Variants in SEMA3D observed in about 807,000 individuals in gnomAD.
The protein encoded by SEMA3D is semaphorin-3D.
A neutral mutation model predicts 100.1 loss-of-function variants in SEMA3D; 84 were observed. The ratio of observed to expected loss-of-function variants is 0.84; its 90% CI spans 0.70 to 1.01. SEMA3D has a LOEUF of 1.01. Among genes scored for constraint, SEMA3D ranks in the 50% least tolerant of loss-of-function variants. The pLI is 0.00. For missense variants in SEMA3D, 875 were observed against 934.1 expected, an observed-to-expected ratio of 0.94 and a Z score of 0.82; for synonymous variants, 312 against 320.7, an observed-to-expected ratio of 0.97 and a Z score of 0.29.
intron 1 of SEMA3D, among the ~76,000 whole-genome samples, chr7:85,162,195 T>G (rs1447617633): frequency 2.6e-5 from 4 of 152,120 alleles, no homozygotes; most frequent in South Asian, 2.1e-4. Flanking sequence ...CAAAGTCAAG[T>G]AGAAAGAAGG....
intron 3 of SEMA3D, among the ~76,000 whole-genome samples, chr7:85,101,236 C>T (rs1299162741): frequency 2.0e-5 from 3 of 152,012 alleles, no homozygotes; most frequent in African/African-American, 7.2e-5. Flanking sequence ...AGACTGAAAT[C>T]AGCAAAATCA....
Position 84,997,736 on chromosome 7 carries a change from T to G in SEMA3D, c.*1704A>C, listed in dbSNP as rs955995895. 2.5e-4 allele frequency: 38 copies of G among 151,092 alleles called. 1 individual carries two copies. The allele number at this position is 151,092 out of a possible 1,614,324, so 9.4% of individuals were successfully genotyped here. A position where few individuals can be genotyped will look rare whatever the true frequency, so the allele number is the denominator to read the frequency against. On this transcript the variant is annotated 3_prime_UTR_variant, in exon 19 of 19. Transcript: ENST00000284136. ...GACTTTTCTTTCAAGATATGTAGAA[T>G]GCATGAGAAACGAGCAATGTCTGTT... is the stretch of plus-strand genomic sequence containing the variant.
chr7:85,017,945 G>A (rs1234125675), intron 15 of SEMA3D, among the ~76,000 whole-genome samples: 1 of 151,704 alleles, frequency 6.6e-6, no homozygotes, highest in Admixed American at 6.6e-5. Flanking sequence ...AATGGTTAGG[G>A]TTGATATTCT....
In SEMA3D at chr7:85,074,041, G is replaced by A. The variant is rs191561306; in HGVS notation, c.376-960C>T. 6.0e-4 allele frequency among the ~76,000 whole-genome samples: 91 copies of A among 152,208 alleles called. 1 individual carries two copies. The East Asian group carries it at 0.012, about 21-fold the overall frequency. ...TATTTTCAACCTATCTCCTGCAAGT[G>A]ATACTCTATCTTTACATAAATGTTA... On this transcript the variant is annotated intron_variant, in intron 5 of 18. Transcript: ENST00000284136.
intron 17 of SEMA3D, 28 bp from the exon 18 acceptor site, chr7:85,006,969 T>G (rs374930177): frequency 5.0e-4 from 795 of 1,594,642 alleles, no homozygotes; most frequent in Non-Finnish European, 6.5e-4. Flanking sequence ...AATAAGAGAT[T>G]AACCTTGACC....
the SEMA3D span, among the ~76,000 whole-genome samples, chr7:85,246,998 T>A: frequency 4.6e-5 from 7 of 151,800 alleles, no homozygotes; most frequent in East Asian, 1.4e-3. Context: ...AAAAATTTGG[T>A]AAAATAATTT....
chr7:85,148,646 G>A (rs1173157136), intron 2 of SEMA3D, among the ~76,000 whole-genome samples: 1 of 152,120 alleles, frequency 6.6e-6, no homozygotes, highest in Non-Finnish European at 1.5e-5. Flanking sequence ...CTCATGAGAA[G>A]ATATAGTTAT....
intron 2 of SEMA3D, chr7:85,141,984 A>C (rs1790062348): frequency 1.0e-6 from 1 of 982,164 alleles, no homozygotes; most frequent in African/African-American, 1.7e-5. Context: ...AAATGCATTA[A>C]CCAAATCTTT....
chr7:85,066,679 T>A (rs146419280), intron 7 of SEMA3D, among the ~76,000 whole-genome samples: 1 of 152,244 alleles, frequency 6.6e-6, no homozygotes, highest in East Asian at 1.9e-4. Flanking sequence ...TTAGACTTTA[T>A]AAATGCCTAA....
chr7:85,167,267 G>A (rs1190258273), intron 1 of SEMA3D: 2 of 984,674 alleles, frequency 2.0e-6, no homozygotes, highest in Non-Finnish European at 2.4e-6. Flanking sequence ...GGTCTTGGCT[G>A]GTTAAATAGA....
At chr7:85,249,809 C>T in the SEMA3D span, among the ~76,000 whole-genome samples, 1 of 152,138 alleles carries the variant, frequency 6.6e-6, no homozygotes, top group Non-Finnish European at 1.5e-5. Flanking sequence ...AAAACTGCAT[C>T]TAGAAGTCTG....
chr7:85,197,009 AT>A, the SEMA3D span, among the ~76,000 whole-genome samples: 27 of 141,452 alleles, frequency 1.9e-4, no homozygotes, highest in Admixed American at 3.6e-4. Context: ...TTCTCATCAG[AT>A]TTTTTTTTTA....
intron 18 of SEMA3D, among the ~76,000 whole-genome samples, chr7:85,004,826 A>G (rs1789749151): frequency 1.3e-5 from 2 of 152,214 alleles, no homozygotes; most frequent in Non-Finnish European, 1.5e-5. Context: ...CTATTTACAA[A>G]GATAAATGAA....
intron 2 of SEMA3D, among the ~76,000 whole-genome samples, chr7:85,149,458 T>C (rs1374935860): frequency 2.0e-5 from 3 of 151,660 alleles, no homozygotes; most frequent in South Asian, 2.1e-4. Context: ...AAAAAATAAA[T>C]AAACAGCAAA....
In SEMA3D at chr7:84,997,641, A is replaced by G. The variant is rs1450967321; in HGVS notation, c.*1799T>C. 1 of 152,504 alleles carries G rather than the reference A, an allele frequency of 6.6e-6. No homozygotes were observed. The highest frequency in any genetic ancestry group is 2.4e-5 in the African/African-American group (1 of 41,440). 9.4% of individuals were successfully genotyped at this position (152,504 alleles called of 1,614,324 possible). A position where few individuals can be genotyped will look rare whatever the true frequency, so the allele number is the denominator to read the frequency against. ...TGCAAATAAAATAAAAATAACAGAG[A>G]GAGAATGCTCTCAACATAGAGCCAC... On this transcript the variant is annotated 3_prime_UTR_variant, in exon 19 of 19. Transcript: ENST00000284136.
intron 3 of SEMA3D, among the ~76,000 whole-genome samples, chr7:85,108,873 G>C (rs1013891707): frequency 2.6e-5 from 4 of 150,960 alleles, no homozygotes; most frequent in Non-Finnish European, 5.9e-5. Context: ...TGATATATAA[G>C]CTTTTTCCCC....
At chr7:85,042,700 T>C (rs921043472) in intron 9 of SEMA3D, among the ~76,000 whole-genome samples, 3 of 152,104 alleles carry the variant, frequency 2.0e-5, no homozygotes, top group Non-Finnish European at 4.4e-5. Context: ...AGAGATGAAG[T>C]CTTTCTATGT....
At chr7:85,086,620 C>T (rs1039981081) in intron 4 of SEMA3D, among the ~76,000 whole-genome samples, 1 of 147,668 alleles carries the variant, frequency 6.8e-6, no homozygotes, top group Admixed American at 6.7e-5. Context: ...CTCTTTCTCT[C>T]TCTCTCTCTC....
chr7:85,196,174 C>T, the SEMA3D span, among the ~76,000 whole-genome samples: 1 of 152,052 alleles, frequency 6.6e-6, no homozygotes, highest in Non-Finnish European at 1.5e-5. Context: ...AAATAGAATG[C>T]ATGCATTAAC....
Sources: allele counts gnomAD v4.1 joint callset (sites outside exome capture counted in the v4.1 genomes callset), GRCh38; gene constraint gnomAD v4.1.1; transcripts MANE v1.5; gene names NCBI Gene and HGNC (gene_info 2026-07-23, HGNC 2026-07-21).